The following ADAM10 variants were observed in gnomAD, a reference collection of about 807,000 sequenced individuals.
ADAM10 encodes the protein ADAM metallopeptidase domain 10, also known as disintegrin and metalloproteinase domain-containing protein 10.
ADAM10 carries 17 observed loss-of-function variants against 90.1 expected under a neutral mutation model. The observed-to-expected ratio is 0.19, with a 90% confidence interval of 0.13 to 0.28. The LOEUF (loss-of-function observed/expected upper bound fraction) is 0.28. ADAM10 is among the 10% of genes least tolerant of loss of function. ADAM10 has a pLI of 1.00. For synonymous variants in ADAM10, 310 were observed against 298.6 expected (o/e 1.04, Z -0.40); for missense variants, 610 against 914.3 (o/e 0.67, Z 4.29).
At position 58,591,934 on chromosome 15, in the gene ADAM10, G is replaced by C. The variant is rs1894832066; in HGVS notation, c.*5613C>G. The C allele has an allele frequency of 6.6e-6, 1 of 152,160 alleles. No individual in the cohort carries two copies. Among genetic ancestry groups the C allele is most frequent in the Non-Finnish European group, 1.5e-5 (1 of 68,024 alleles). The allele number at this position is 152,160 out of a possible 1,614,324, so 9.4% of individuals were successfully genotyped here. A position where few individuals can be genotyped will look rare whatever the true frequency, so the allele number is the denominator to read the frequency against. Reference sequence around the variant, plus strand: ...TCCAAATAAGTCCATAAATTGTCTTGATAGATGTAGCTCTTAAGTCTCCTT... The same window carrying C: ...TCCAAATAAGTCCATAAATTGTCTTCATAGATGTAGCTCTTAAGTCTCCTT... On this transcript the variant is annotated 3_prime_UTR_variant, in exon 16 of 16. Transcript: ENST00000260408.
intron 6 of ADAM10, among the ~76,000 whole-genome samples, chr15:58,645,608 C>A (rs1355226342): frequency 6.6e-6 from 1 of 152,112 alleles, no homozygotes; most frequent in African/African-American, 2.4e-5. Flanking sequence ...GTACCTTCCA[C>A]ACGAAGGACA....
chr15:58,731,048 A>C (rs1899219454), intron 1 of ADAM10, among the ~76,000 whole-genome samples: 1 of 152,044 alleles, frequency 6.6e-6, no homozygotes. Context: ...TCCCCTAATA[A>C]ATCCTCTCTC....
At chr15:58,713,055 G>T (rs1898528321) in intron 2 of ADAM10, among the ~76,000 whole-genome samples, 2 of 152,124 alleles carry the variant, frequency 1.3e-5, no homozygotes, top group African/African-American at 2.4e-5. Flanking sequence ...AAATATTTAA[G>T]AAGAAAATCT....
At position 58,632,599 on chromosome 15, in the gene ADAM10, T is replaced by A. The variant is rs867466526; in HGVS notation, c.1176+597A>T. Among the ~76,000 whole-genome samples the A allele has an allele frequency of 8.5e-4, 130 of 152,336 alleles. 1 individual carries two copies. The Middle Eastern group carries it at 0.054, about 64-fold the overall frequency. ...GCCCTTTACAGAAAATGTTTGCTGA[T>A]CCCTGTTCTGAATCATGGGCGTATA... On this transcript the variant is annotated intron_variant, in intron 9 of 15. Coordinates refer to ENST00000260408, the MANE Select transcript of ADAM10 (RefSeq NM_001110.4).
intron 2 of ADAM10, among the ~76,000 whole-genome samples, chr15:58,701,484 A>G (rs1032191730): frequency 2.6e-5 from 4 of 152,242 alleles, no homozygotes; most frequent in Non-Finnish European, 5.9e-5. Context: ...GATAATAAAT[A>G]ACAAATGCTG....
At chr15:58,748,607 A>G in intron 1 of ADAM10, 1 of 250,032 alleles carries the variant, frequency 4.0e-6, no homozygotes, top group East Asian at 7.3e-5. Context: ...TCCACTAACT[A>G]CACTGTACAT....
chr15:58,611,615 G>A (rs1248125642), intron 12 of ADAM10, 193 bp downstream of exon 12: 4 of 587,174 alleles, frequency 6.8e-6, no homozygotes, highest in African/African-American at 5.6e-5. Context: ...TCAACCACAT[G>A]TACATGGAAA....
chr15:58,605,810 C>A (rs1428708785), intron 14 of ADAM10, among the ~76,000 whole-genome samples: 2 of 152,018 alleles, frequency 1.3e-5, no homozygotes, highest in African/African-American at 2.4e-5. Flanking sequence ...TCAATACAGG[C>A]ACTTAAACAT....
chr15:58,734,037 C>T lies in ADAM10; in HGVS notation c.55+15443G>A, dbSNP rs181078413. 6.3e-3 allele frequency among the ~76,000 whole-genome samples: 952 copies of T among 152,056 alleles called. 3 individuals are homozygous for T. Among genetic ancestry groups the T allele is most frequent in the Non-Finnish European group, 8.9e-3 (607 of 67,958 alleles). On this transcript the variant is annotated intron_variant, in intron 1 of 15. Transcript: ENST00000260408. The stretch of plus-strand genomic sequence containing the variant: ...TTTTTAAATGATTTTTTAAGTTTCA[C>T]ATTTCACATATTTAAAGGGGAAAAA...
chr15:58,596,114 A>G lies in ADAM10; in HGVS notation c.*1433T>C, dbSNP rs1894944800. 3 of 151,904 alleles carry G rather than the reference A, an allele frequency of 2.0e-5. No individual in the cohort carries two copies. The East Asian group carries it at 5.8e-4, about 29-fold the overall frequency. 9.4% of individuals were successfully genotyped at this position (151,904 alleles called of 1,614,324 possible). A position where few individuals can be genotyped will look rare whatever the true frequency, so the allele number is the denominator to read the frequency against. ...AAAAAAAAAGGAAAAAAAAAAACCCAAAACATAGAAATCTTTACAACTTTC... is the reference window on the plus strand; with the variant it reads ...AAAAAAAAAGGAAAAAAAAAAACCCGAAACATAGAAATCTTTACAACTTTC... On this transcript the variant is annotated 3_prime_UTR_variant, in exon 16 of 16. Transcript: ENST00000260408.
chr15:58,667,859 C>G (rs1897113117), intron 4 of ADAM10, among the ~76,000 whole-genome samples: 1 of 151,782 alleles, frequency 6.6e-6, no homozygotes, highest in Admixed American at 6.6e-5. Context: ...GCCGTTTCTC[C>G]CGGGTACCAA....
chr15:58,695,525 G>A (rs73426541), intron 2 of ADAM10, among the ~76,000 whole-genome samples: 5,318 of 151,980 alleles, frequency 0.035, 101 homozygotes, highest in Middle Eastern at 0.051. Flanking sequence ...AAACAGCATC[G>A]TCATTAAAAT....
Position 58,647,248 on chromosome 15 carries a change from A to ATTTCTTTTTTTTTTTTTTT in ADAM10, c.586-1045_586-1044insAAAAAAAAAAAAAAAGAAA, listed in dbSNP as rs1162350060. 2.5e-4 allele frequency among the ~76,000 whole-genome samples: 15 copies of ATTTCTTTTTTTTTTTTTTT among 59,604 alleles called. 1 individual carries two copies. The highest frequency in any genetic ancestry group is 1.3e-3 in the East Asian group (3 of 2,302). The allele number at this position is 59,604 out of a possible 152,430, so 39.1% of individuals were successfully genotyped here. On this transcript the variant is annotated intron_variant, in intron 5 of 15. Coordinates refer to ENST00000260408, the MANE Select transcript of ADAM10 (RefSeq NM_001110.4). ...TGGCAGCAAAGAGTAGACACTAAGT[A>ATTTCTTTTTTTTTTTTTTT]TTTTTTTTTTTTTTTTTTTTTTTTT...
chr15:58,625,188 C>A (rs1230932530), intron 10 of ADAM10, among the ~76,000 whole-genome samples: 4 of 152,080 alleles, frequency 2.6e-5, no homozygotes, highest in Admixed American at 6.6e-5. Context: ...AACTTTTGCT[C>A]CACGAAAGAA....
At chr15:58,742,726 T>C (rs987859264) in intron 1 of ADAM10, among the ~76,000 whole-genome samples, 2 of 152,214 alleles carry the variant, frequency 1.3e-5, no homozygotes, top group African/African-American at 4.8e-5. Context: ...TTTCCTAATA[T>C]AAAAATCAAC....
intron 1 of ADAM10, among the ~76,000 whole-genome samples, chr15:58,746,831 T>C (rs566115809): frequency 1.6e-4 from 25 of 152,300 alleles, no homozygotes; most frequent in African/African-American, 5.3e-4. Context: ...TTTAAAAAGA[T>C]GAAGAGTCAG....
chr15:58,654,690 T>C (rs952176602), intron 5 of ADAM10, among the ~76,000 whole-genome samples: 13 of 152,208 alleles, frequency 8.5e-5, no homozygotes, highest in African/African-American at 3.1e-4. Context: ...GTAAGTTGTG[T>C]TTCCATTATC....
chr15:58,682,149 AG>A, intron 3 of ADAM10, 46 bp downstream of exon 3: 1 of 1,597,294 alleles, frequency 6.3e-7, no homozygotes, highest in Non-Finnish European at 8.5e-7. Flanking sequence ...ATCTTTGTGT[AG>A]AAAAAAAAAA....
intron 2 of ADAM10, among the ~76,000 whole-genome samples, chr15:58,715,848 G>C (rs1420612208): frequency 1.3e-5 from 2 of 152,064 alleles, no homozygotes; most frequent in Admixed American, 1.3e-4. Context: ...TTATATAATA[G>C]GAATAGATAT....
Sources: allele counts gnomAD v4.1 joint callset (sites outside exome capture counted in the v4.1 genomes callset), GRCh38; gene constraint gnomAD v4.1.1; transcripts MANE v1.5; gene names NCBI Gene and HGNC (gene_info 2026-07-23, HGNC 2026-07-21).